The following CCDC142 variants were observed in gnomAD, a reference collection of about 807,000 sequenced individuals.
The protein encoded by CCDC142 is coiled-coil domain containing 142.
In CCDC142, 67 loss-of-function variants were observed where a neutral mutation model predicts 83.8. That is an observed-to-expected ratio of 0.80 (90% CI 0.66 to 0.98). The LOEUF (loss-of-function observed/expected upper bound fraction) is 0.98, where lower values mean the gene tolerates loss of function less well. CCDC142 is among the 50% of genes least tolerant of loss of function. The probability of loss-of-function intolerance (pLI) is 0.00; values close to 1 mark genes in which losing one functional copy is unlikely to be tolerated. For missense variants in CCDC142, 905 were observed against 946.8 expected (o/e 0.96, Z 0.58); for synonymous variants, 421 against 421.2 (o/e 1.00, Z 0.01).
At chr2:74,476,551 T>C (rs1286437944) in intron 5 of CCDC142, among the ~76,000 whole-genome samples, 1 of 152,170 alleles carries the variant, frequency 6.6e-6, no homozygotes, top group Non-Finnish European at 1.5e-5. Flanking sequence ...GCAATGACTA[T>C]TTGAATGTTC....
In CCDC142 at chr2:74,481,334, T is replaced by A; in HGVS notation, c.1147A>T (p.Ser383Cys). ...QALGSALGGQ[S>C]SLPTSSGTAE... Reference sequence around the variant, plus strand: ...GTGCCAGAGGATGTGGGAAGGCTGCTCTGACCCCCAAGAGCTGATCCCAAG... The same window carrying A: ...GTGCCAGAGGATGTGGGAAGGCTGCACTGACCCCCAAGAGCTGATCCCAAG... Residue 383 changes from serine to cysteine, a missense_variant, in exon 3 of 9, where the codon AGC becomes TGC. Physicochemically the swap from Ser to Cys is moderately radical, Grantham distance 112. Coordinates refer to ENST00000393965, the MANE Select transcript of CCDC142 (RefSeq NM_001365575.2). 1 of 1,614,072 alleles carries A rather than the reference T, an allele frequency of 6.2e-7. No homozygotes were observed.
Position 74,475,361 on chromosome 2 carries a change from G to A in CCDC142, c.1660C>T (p.Arg554Cys), listed in dbSNP as rs150209796. ...TGCAACACAGGCTCCAGTACGGTGC[G>A]GACCACTAAACCAGCATACTCACTA... ...APSEYAGLVV[R>C]TVLEPVLQGL... is the part of the protein sequence containing the mutation. The change falls in exon 7 of 9, where the codon CGC (arginine) becomes TGC (cysteine). Residue 554 changes from arginine to cysteine, a missense_variant. Coordinates refer to ENST00000393965, the MANE Select transcript of CCDC142 (RefSeq NM_001365575.2). The A allele has an allele frequency of 8.7e-6, 14 of 1,605,674 alleles. No homozygotes were observed. The highest frequency in any genetic ancestry group is 6.7e-5 in the East Asian group (3 of 44,836).
At position 74,481,804 on chromosome 2, in the gene CCDC142, G is replaced by A; in HGVS notation, c.1021+13C>T. The A allele has an allele frequency of 1.9e-6, 3 of 1,599,562 alleles. No homozygotes were observed. Among genetic ancestry groups the A allele is most frequent in the Non-Finnish European group, 2.6e-6 (3 of 1,170,210 alleles). On this transcript the variant is annotated intron_variant, in intron 1 of 8. Coordinates refer to ENST00000393965, the MANE Select transcript of CCDC142 (RefSeq NM_001365575.2). ...CCAGCCTTCCCAAACGCCCACCCAA[G>A]CCCATCACTCACCCTGACCCAGTGC...
chr2:74,473,730 T>C lies in CCDC142; in HGVS notation c.*816A>G, dbSNP rs1572927353. On this transcript the variant is annotated 3_prime_UTR_variant, in exon 9 of 9. Transcript: ENST00000393965. ...GGTTCCAGGCTATGGTCTTGCTCTT[T>C]ACTCTGGATTCCAGGTGCTGGAGTG... 2 of 152,108 alleles carry C rather than the reference T, an allele frequency of 1.3e-5. No individual in the cohort carries two copies. The highest frequency in any genetic ancestry group is 4.1e-4 in the South Asian group (2 of 4,828). The allele number at this position is 152,108 out of a possible 1,614,324, so 9.4% of individuals were successfully genotyped here. A position where few individuals can be genotyped will look rare whatever the true frequency, so the allele number is the denominator to read the frequency against.
rs1169064269 is a variant in CCDC142, at chr2:74,482,484, A to G, written c.354T>C (p.Ala118=). 1 of 1,553,590 alleles carries G rather than the reference A, an allele frequency of 6.4e-7. No individual in the cohort carries two copies. Among genetic ancestry groups the G allele is most frequent in the Non-Finnish European group, 8.7e-7 (1 of 1,147,514 alleles). Residue 118 remains alanine, a synonymous_variant, in exon 1 of 9, where the codon GCT becomes GCC. Transcript: ENST00000393965. This position sits in a 1 kb window ranked among gnomAD's most constrained non-coding sequence, Gnocchi z 5.0. ...GACTCAGGGTCTTCATGAGTCGCAC[A>G]GCCGACTGTAGGTGGTAGGCGCAGT... ...ARDCAYHLQS[A]VRLMKTLSPG...
rs116266687 is a variant in CCDC142, at chr2:74,475,357, G to T, written c.1664C>A (p.Thr555Asn). 2.5e-3 allele frequency: 3,963 copies of T among 1,607,090 alleles called. 89 individuals carry two copies. In the African/African-American group the frequency reaches 0.046, roughly 19 times the overall value. ...TCCTTGCAACACAGGCTCCAGTACG[G>T]TGCGGACCACTAAACCAGCATACTC... ...PSEYAGLVVR[T>N]VLEPVLQGLQ... Residue 555 changes from threonine (T) to asparagine (N), a missense_variant, in exon 7 of 9, where the codon ACC becomes AAC. Physicochemically the swap from Thr to Asn is moderately conservative, Grantham distance 65. Coordinates refer to ENST00000393965, the MANE Select transcript of CCDC142 (RefSeq NM_001365575.2).
chr2:74,474,778 G>T lies in CCDC142; in HGVS notation c.2021C>A (p.Thr674Lys). 1.9e-6 allele frequency: 3 copies of T among 1,612,484 alleles called. No homozygotes were observed. Among genetic ancestry groups the T allele is most frequent in the Non-Finnish European group, 2.5e-6 (3 of 1,178,964 alleles). Residue 674 changes from threonine (T) to lysine (K), a missense_variant, in exon 9 of 9, where the codon ACG becomes AAG. Thr to Lys is a moderately conservative substitution (Grantham distance 78). Coordinates refer to ENST00000393965, the MANE Select transcript of CCDC142 (RefSeq NM_001365575.2). ...ATTGAGGCAGCTGCTGGGCAATTTC[G>T]TGGTCTGGACCTCCTGACAAGCACC... The part of the protein sequence containing the change: ...CCCACQEVQT[T>K]KLPSSCLNSL...
chr2:74,474,378 A>G lies in CCDC142; in HGVS notation c.*168T>C. On this transcript the variant is annotated 3_prime_UTR_variant, in exon 9 of 9. Transcript: ENST00000393965. The stretch of plus-strand genomic sequence containing the variant: ...ATTACAGGCGTGAGCCACCTCGCCC[A>G]GCCCCTAATCTTGGATTCTTAAGCC... The G allele has an allele frequency of 1.1e-6, 1 of 910,774 alleles. No homozygotes were observed. Among genetic ancestry groups the G allele is most frequent in the South Asian group, 1.9e-5 (1 of 52,146 alleles). 56.4% of individuals were successfully genotyped at this position (910,774 alleles called of 1,614,324 possible). A position where few individuals can be genotyped will look rare whatever the true frequency, so the allele number is the denominator to read the frequency against.
chr2:74,480,474 TCA>T (rs921547348), intron 5 of CCDC142, among the ~76,000 whole-genome samples: 2 of 151,352 alleles, frequency 1.3e-5, no homozygotes, highest in Admixed American at 6.6e-5. Flanking sequence ...GCTTGTAGTC[TCA>T]GCTACTAGGG....
intron 1 of CCDC142, 88 bp from the exon 2 acceptor site, chr2:74,481,626 C>CT: frequency 7.0e-7 from 1 of 1,429,366 alleles, no homozygotes; most frequent in Admixed American, 1.7e-5. Context: ...AGAAGGCATG[C>CT]TTCCTCCAAG....
Position 74,482,335 on chromosome 2 carries a change from G to C in CCDC142, c.503C>G (p.Ala168Gly), listed in dbSNP as rs1319785783. ...CTGGGCGGCTAGTCCGATGGGGCGCGCTAGCAGCAGCGGCTCGAGAGTCTC... is the reference window on the plus strand; with the variant it reads ...CTGGGCGGCTAGTCCGATGGGGCGCCCTAGCAGCAGCGGCTCGAGAGTCTC... The part of the protein sequence containing the change: ...PGETLEPLLL[A>G]RPIGLAAQCL... The change falls in exon 1 of 9, where the codon GCG becomes GGG. Residue 168 changes from alanine to glycine, a missense_variant. This residue lies in a region of CCDC142 where 591 missense variants were observed against 571.4 expected (regional missense o/e 1.03). Transcript: ENST00000393965. The surrounding 1 kb of genome is among the most constrained non-coding windows in gnomAD (Gnocchi z 5.0). 1 of 1,603,900 alleles carries C rather than the reference G, an allele frequency of 6.2e-7. No homozygotes were observed. Among genetic ancestry groups the C allele is most frequent in the Non-Finnish European group, 8.5e-7 (1 of 1,176,584 alleles).
Position 74,480,875 on chromosome 2 carries a change from A to G in CCDC142, c.1397T>C (p.Leu466Ser). Reference protein sequence around the residue: ...LLIQKDLPPLLHEAEALYSLA... With the variant: ...LLIQKDLPPLSHEAEALYSLA... ...GCTATACAAAGCTTCTGCCTCATGC[A>G]ACAGAGGCTTTGGGTGGAAACAGGG... The change falls in exon 5 of 9, where the codon TTG (leucine) becomes TCG (serine). Residue 466 changes from leucine to serine, a missense_variant. Physicochemically the swap from Leu to Ser is moderately radical, Grantham distance 145. This residue lies in a region of CCDC142 where 49 missense variants were observed against 86.4 expected (regional missense o/e 0.57). Coordinates refer to ENST00000393965, the MANE Select transcript of CCDC142 (RefSeq NM_001365575.2). The G allele has an allele frequency of 6.2e-7, 1 of 1,613,726 alleles. No homozygotes were observed. The highest frequency in any genetic ancestry group is 8.5e-7 in the Non-Finnish European group (1 of 1,179,610).
rs1672296158 is a variant in CCDC142, at chr2:74,475,295, G to C, written c.1726C>G (p.Leu576Val). The C allele has an allele frequency of 6.2e-7, 1 of 1,614,128 alleles. No homozygotes were observed. Among genetic ancestry groups the C allele is most frequent in the Admixed American group, 1.7e-5 (1 of 60,006 alleles). Residue 576 changes from leucine (L) to valine (V), a missense_variant, in exon 7 of 9, where the codon CTT becomes GTT. Coordinates refer to ENST00000393965, the MANE Select transcript of CCDC142 (RefSeq NM_001365575.2). ...ACGATGGCCGTCAGAGCCTGACCAAGGGCAGGGGCCTGGGCTTGAGGTGGC... is the reference window on the plus strand; with the variant it reads ...ACGATGGCCGTCAGAGCCTGACCAACGGCAGGGGCCTGGGCTTGAGGTGGC... ...GLPPQAQAPA[L>V]GQALTAIVGA...
intron 5 of CCDC142, among the ~76,000 whole-genome samples, 179 bp downstream of exon 5, chr2:74,480,590 C>G (rs1055847102): frequency 3.6e-5 from 2 of 56,094 alleles, no homozygotes; most frequent in African/African-American, 5.2e-5. Context: ...GACCCTGTCT[C>G]AAAAAAAAAA....
At chr2:74,480,649 A>T in intron 5 of CCDC142, 120 bp downstream of exon 5, 1 of 631,474 alleles carries the variant, frequency 1.6e-6, no homozygotes, top group Non-Finnish European at 2.7e-6. Flanking sequence ...AAAAAAAGAT[A>T]CATTTAGCAG....
At chr2:74,477,626 G>C (rs1290747925) in intron 5 of CCDC142, among the ~76,000 whole-genome samples, 3 of 152,128 alleles carry the variant, frequency 2.0e-5, no homozygotes, top group Non-Finnish European at 4.4e-5. Context: ...CCACTCCTCT[G>C]AGGCTTCCCA....
chr2:74,476,156 G>C (rs1156609961), intron 5 of CCDC142, among the ~76,000 whole-genome samples: 1 of 150,244 alleles, frequency 6.7e-6, no homozygotes, highest in Non-Finnish European at 1.5e-5. Context: ...AGAAATTGAG[G>C]GAAGAAAGGG....
rs1672520380 is a variant in CCDC142 at position 74,482,207 on chromosome 2, C to A, written c.631G>T (p.Ala211Ser). Residue 211 changes from alanine (A) to serine (S), a missense_variant, in exon 1 of 9, where the codon GCC becomes TCC. Ala to Ser is a moderately conservative substitution (Grantham distance 99). Transcript: ENST00000393965. The surrounding 1 kb of genome is among the most constrained non-coding windows in gnomAD (Gnocchi z 5.0). ...QLAELLFALP[A>S]YHTLQRKALS... Reference sequence around the variant, plus strand: ...GCTTTTCTCTGTAGTGTGTGGTAGGCGGGAAGTGCAAAGAGCAGCTCGGCG... The same window carrying A: ...GCTTTTCTCTGTAGTGTGTGGTAGGAGGGAAGTGCAAAGAGCAGCTCGGCG... The A allele has an allele frequency of 1.9e-6, 3 of 1,613,610 alleles. No individual in the cohort carries two copies. Among genetic ancestry groups the A allele is most frequent in the Non-Finnish European group, 2.5e-6 (3 of 1,179,932 alleles).
At chr2:74,479,929 A>C (rs976614687) in intron 5 of CCDC142, among the ~76,000 whole-genome samples, 1 of 152,244 alleles carries the variant, frequency 6.6e-6, no homozygotes, top group Non-Finnish European at 1.5e-5. Context: ...TGTGCCGATA[A>C]CTGGTAAGTA....
Sources: gnomAD v4.1 joint callset for allele counts (sites outside exome capture counted in the v4.1 genomes callset) on GRCh38, gnomAD v4.1.1 for gene constraint, gnomAD v4.1.1 regional missense constraint, Gnocchi (gnomAD v3.1) non-coding constraint, MANE v1.5 for transcripts, NCBI Gene and HGNC (gene_info 2026-07-23, HGNC 2026-07-21) for gene names.